KANK1: variants seen among roughly 807,000 people sequenced by gnomAD.
KANK1 encodes the protein KN motif and ankyrin repeat domain-containing protein 1.
Under a neutral mutation model 106.2 loss-of-function variants are expected in KANK1, and 109 were observed. The observed-to-expected ratio is 1.03, with a 90% CI of 0.88 to 1.20. The LOEUF is 1.20. Ranked by LOEUF, KANK1 falls within the 50% of genes most tolerant of loss-of-function variation. The pLI, the probability that KANK1 is intolerant of heterozygous loss-of-function variation, is 0.00. For synonymous variants in KANK1, 873 were observed against 652.2 expected (o/e 1.34, Z -5.16); for missense variants, 2,399 against 1,710.7 (o/e 1.40, Z -7.10).
chr9:670,842 C>T (rs142037261), intron 1 of KANK1, among the ~76,000 whole-genome samples: 163 of 151,978 alleles, frequency 1.1e-3, no homozygotes, highest in African/African-American at 3.8e-3. Flanking sequence ...TCACTTTTTC[C>T]AGTGTAGAAT....
At chr9:593,663 C>G (rs1043508064) in intron 1 of KANK1, among the ~76,000 whole-genome samples, 1 of 151,782 alleles carries the variant, frequency 6.6e-6, no homozygotes, top group African/African-American at 2.4e-5. Context: ...TGTAATCTTA[C>G]AGAGGACCAG....
At chr9:639,208 A>C (rs1220655432) in intron 1 of KANK1, among the ~76,000 whole-genome samples, 2 of 152,144 alleles carry the variant, frequency 1.3e-5, no homozygotes, top group Admixed American at 1.3e-4. Context: ...TATTTCACTT[A>C]AATATACACC....
intron 1 of KANK1, among the ~76,000 whole-genome samples, chr9:537,796 A>G (rs760053223): frequency 6.6e-5 from 10 of 152,352 alleles, no homozygotes; most frequent in Admixed American, 2.0e-4. Flanking sequence ...AGAGATGCCC[A>G]GAATAGCCCA....
intron 2 of KANK1, among the ~76,000 whole-genome samples, chr9:694,705 C>T (rs904222241): frequency 2.6e-5 from 4 of 152,162 alleles, no homozygotes; most frequent in African/African-American, 9.7e-5. Context: ...TAACCCTTTC[C>T]GCTGTCTTCC....
intron 1 of KANK1, among the ~76,000 whole-genome samples, chr9:571,581 T>A (rs1488489942): frequency 2.6e-5 from 4 of 151,906 alleles, no homozygotes; most frequent in Non-Finnish European, 5.9e-5. Flanking sequence ...AAAAAAAATT[T>A]TAAAAACGTT....
chr9:598,290 A>T (rs541763683), intron 1 of KANK1, among the ~76,000 whole-genome samples: 1 of 151,594 alleles, frequency 6.6e-6, no homozygotes, highest in Non-Finnish European at 1.5e-5. Context: ...TGAAATTGAG[A>T]AGTGAGAGTT....
At chr9:619,848 T>C (rs765435278) in intron 1 of KANK1, among the ~76,000 whole-genome samples, 13 of 152,148 alleles carry the variant, frequency 8.5e-5, no homozygotes, top group Non-Finnish European at 1.3e-4. Flanking sequence ...TTAAATTCTT[T>C]CGTTGTGGCT....
intron 1 of KANK1, among the ~76,000 whole-genome samples, chr9:527,844 A>C (rs1173020897): frequency 6.6e-6 from 1 of 150,538 alleles, no homozygotes; most frequent in Non-Finnish European, 1.5e-5. Flanking sequence ...GTTTCCCCTC[A>C]CTTCTCTTTA....
intron 10 of KANK1, among the ~76,000 whole-genome samples, chr9:743,753 C>CGT (rs1836376304): frequency 1.3e-5 from 2 of 152,076 alleles, no homozygotes; most frequent in Non-Finnish European, 2.9e-5. Flanking sequence ...TCTCAGATAC[C>CGT]GTGGTGGTTG....
intron 3 of KANK1, among the ~76,000 whole-genome samples, chr9:480,600 T>C (rs1283710031): frequency 6.6e-6 from 1 of 152,234 alleles, no homozygotes; most frequent in Non-Finnish European, 1.5e-5. Flanking sequence ...GCAGTTAGTA[T>C]GTAGCAGGTT....
chr9:585,261 G>C (rs201409252), intron 1 of KANK1, among the ~76,000 whole-genome samples: 2 of 152,198 alleles, frequency 1.3e-5, no homozygotes, highest in African/African-American at 2.4e-5. Flanking sequence ...TTTGCCCGCT[G>C]TGCATCATCC....
intron 1 of KANK1, among the ~76,000 whole-genome samples, chr9:581,009 C>A (rs868861073): frequency 4.6e-5 from 7 of 151,924 alleles, no homozygotes; most frequent in Non-Finnish European, 7.4e-5. Context: ...CAGCTGCTGG[C>A]TGGAGTGCTA....
intron 1 of KANK1, among the ~76,000 whole-genome samples, chr9:655,008 A>G (rs997394686): frequency 1.1e-4 from 16 of 152,094 alleles, no homozygotes; most frequent in Non-Finnish European, 2.1e-4. Context: ...TTTGAAATAT[A>G]CTTCTGCTCA....
intron 1 of KANK1, among the ~76,000 whole-genome samples, chr9:584,623 T>C (rs1822997990): frequency 6.6e-6 from 1 of 152,196 alleles, no homozygotes. Context: ...ACTTAGCATT[T>C]GAGACTTGAT....
intron 1 of KANK1, among the ~76,000 whole-genome samples, chr9:570,198 G>A (rs1209714129): frequency 1.3e-5 from 2 of 152,168 alleles, no homozygotes; most frequent in Non-Finnish European, 2.9e-5. Context: ...ATGATTGTGT[G>A]TGTACATTTG....
At chr9:639,252 C>T (rs1487416084) in intron 1 of KANK1, among the ~76,000 whole-genome samples, 1 of 152,132 alleles carries the variant, frequency 6.6e-6, no homozygotes, top group African/African-American at 2.4e-5. Context: ...TTATCATTGG[C>T]AGTAATCAGT....
Position 711,135 on chromosome 9 carries a change from C to G in KANK1, c.369C>G (p.Pro123=). Residue 123 remains proline (P), a synonymous_variant, in exon 3 of 12, where the codon CCC becomes CCG. Transcript: ENST00000382297. ...VTSTPISKPP[P]PLETSLPFLT... is the part of the protein sequence containing the mutation. ...CAACTCCAATCTCAAAGCCACCTCC[C>G]CCTCTGGAGACCTCACTCCCTTTTC... 1 of 1,614,166 alleles carries G rather than the reference C, an allele frequency of 6.2e-7. No individual in the cohort carries two copies. The highest frequency in any genetic ancestry group is 8.5e-7 in the Non-Finnish European group (1 of 1,180,032).
chr9:662,665 A>ATTT (rs34481151), intron 1 of KANK1, among the ~76,000 whole-genome samples: 48,229 of 141,538 alleles, frequency 0.34, 8,732 homozygotes, highest in Non-Finnish European at 0.4. Context: ...ACAAAAGTTA[A>ATTT]TTTTTTTTTT....
intron 1 of KANK1, among the ~76,000 whole-genome samples, chr9:600,258 T>C (rs1827399967): frequency 6.6e-6 from 1 of 151,802 alleles, no homozygotes; most frequent in African/African-American, 2.4e-5. Flanking sequence ...TTGACTATTC[T>C]AGGTACCTCA....
Sources: gnomAD v4.1 joint callset for allele counts (sites outside exome capture counted in the v4.1 genomes callset) on GRCh38, gnomAD v4.1.1 for gene constraint, MANE v1.5 for transcripts, NCBI Gene and HGNC (gene_info 2026-07-23, HGNC 2026-07-21) for gene names.